DUSP29: variants seen among roughly 807,000 people sequenced by gnomAD.
The protein encoded by DUSP29 is dual specificity phosphatase 29, also known as atypical dual-specific protein phosphatase.
Under a neutral mutation model 13.5 loss-of-function variants are expected in DUSP29, and 12 were observed. That is an observed-to-expected ratio of 0.89 (90% CI 0.57 to 1.44). DUSP29 has a LOEUF of 1.44. Ranked by LOEUF, DUSP29 falls within the 40% of genes most tolerant of loss-of-function variation. The pLI is 0.00. For synonymous variants in DUSP29, 134 were observed against 128.7 expected, an observed-to-expected ratio of 1.04 and a Z score of -0.28; for missense variants, 308 against 301.1, an observed-to-expected ratio of 1.02 and a Z score of -0.17.
chr10:75,040,457 G>A (rs112469629), intron 3 of DUSP29, among the ~76,000 whole-genome samples: 4,732 of 152,278 alleles, frequency 0.031, 107 homozygotes, highest in South Asian at 0.075. Context: ...GGAGGATGCC[G>A]AATCGGGGGC....
At chr10:75,052,389 C>T (rs1247066431) in intron 2 of DUSP29, among the ~76,000 whole-genome samples, 1 of 151,306 alleles carries the variant, frequency 6.6e-6, no homozygotes, top group Admixed American at 6.6e-5. Context: ...TCACTGCAAC[C>T]TCCGCCTCCC....
At chr10:75,044,337 T>C (rs1589857728) in intron 2 of DUSP29, among the ~76,000 whole-genome samples, 1 of 143,576 alleles carries the variant, frequency 7.0e-6, no homozygotes, top group Admixed American at 6.9e-5. Context: ...GTCGCAGATC[T>C]GGACCTGCCA....
At chr10:75,069,041 A>G (rs1847264493) in intron 1 of DUSP29, among the ~76,000 whole-genome samples, 1 of 152,036 alleles carries the variant, frequency 6.6e-6, no homozygotes, top group South Asian at 2.1e-4. Context: ...AAATCCTTTT[A>G]TTAAAAAATA....
chr10:75,042,795 G>C (rs1846613037), intron 3 of DUSP29, among the ~76,000 whole-genome samples: 1 of 152,244 alleles, frequency 6.6e-6, no homozygotes, highest in African/African-American at 2.4e-5. Context: ...ACAACCTCTT[G>C]TGGCAAGAAA....
At chr10:75,045,271 G>A (rs1303422452) in intron 2 of DUSP29, among the ~76,000 whole-genome samples, 1 of 152,248 alleles carries the variant, frequency 6.6e-6, no homozygotes, top group Non-Finnish European at 1.5e-5. Context: ...TTGGGAGGCT[G>A]AGGCACAAGA....
At chr10:75,069,664 C>A (rs924528293) in intron 1 of DUSP29, among the ~76,000 whole-genome samples, 1 of 152,178 alleles carries the variant, frequency 6.6e-6, no homozygotes, top group South Asian at 2.1e-4. Context: ...CAAAAGCTCG[C>A]AGAGAAATCA....
intron 1 of DUSP29, among the ~76,000 whole-genome samples, chr10:75,073,177 C>T (rs1266737183): frequency 6.6e-6 from 1 of 152,006 alleles, no homozygotes. Flanking sequence ...ACACAGGATC[C>T]GAGTCACTCC....
chr10:75,046,289 C>T lies in DUSP29; in HGVS notation c.201-2272G>A, dbSNP rs1290469772. Among the ~76,000 whole-genome samples the T allele has an allele frequency of 2.6e-5, 4 of 152,014 alleles. No homozygotes were observed. In the East Asian group the frequency reaches 7.7e-4, roughly 29 times the overall value. ...ACACTTCCCTCAATAGCATGAAGAC[C>T]AGGACTTCAGCTCAGGGAAGATGTG... On this transcript the variant is annotated intron_variant, in intron 2 of 3. Transcript: ENST00000338487.
At chr10:75,043,718 G>T (rs1257006674) in intron 3 of DUSP29, 79 bp downstream of exon 3, 3 of 1,313,686 alleles carry the variant, frequency 2.3e-6, no homozygotes, top group East Asian at 2.5e-5. Flanking sequence ...CGGGGAAGGG[G>T]CGGGGCCTAA....
chr10:75,042,000 C>CT (rs541488917), intron 3 of DUSP29, among the ~76,000 whole-genome samples: 3 of 150,520 alleles, frequency 2.0e-5, no homozygotes, highest in Non-Finnish European at 3.0e-5. Context: ...GTTGGAATGT[C>CT]TTTTTTTTTT....
At chr10:75,051,715 G>A (rs181757707) in intron 2 of DUSP29, among the ~76,000 whole-genome samples, 186 of 152,328 alleles carry the variant, frequency 1.2e-3, no homozygotes, top group Admixed American at 8.6e-3. Flanking sequence ...AAACCTAACC[G>A]AAATGTAAAT....
chr10:75,041,827 C>T (rs1349946016), intron 3 of DUSP29, among the ~76,000 whole-genome samples: 8 of 152,184 alleles, frequency 5.3e-5, no homozygotes, highest in African/African-American at 1.9e-4. Context: ...AGTCATGATC[C>T]ACAGCAGCCT....
intron 3 of DUSP29, among the ~76,000 whole-genome samples, chr10:75,043,587 C>G (rs554472887): frequency 2.2e-4 from 33 of 152,362 alleles, no homozygotes; most frequent in South Asian, 6.2e-4. Context: ...CAAGCAGCCC[C>G]AGTGGCCCAG....
chr10:75,072,588 A>G (rs567779542), intron 1 of DUSP29, among the ~76,000 whole-genome samples: 1 of 152,140 alleles, frequency 6.6e-6, no homozygotes, highest in South Asian at 2.1e-4. Context: ...GTGGGACCAA[A>G]TGATATTCTC....
chr10:75,044,843 A>G (rs1332039787), intron 2 of DUSP29, among the ~76,000 whole-genome samples: 1 of 152,044 alleles, frequency 6.6e-6, no homozygotes, highest in Admixed American at 6.6e-5. Flanking sequence ...GGGCAGGGAG[A>G]GGCCTGTGTC....
intron 1 of DUSP29, among the ~76,000 whole-genome samples, chr10:75,072,825 C>A (rs577243019): frequency 2.3e-4 from 35 of 152,206 alleles, no homozygotes; most frequent in African/African-American, 8.2e-4. Flanking sequence ...CCCCTGGGGT[C>A]ACAGCACAAG....
intron 1 of DUSP29, among the ~76,000 whole-genome samples, chr10:75,064,830 GAA>G (rs970371378): frequency 6.6e-6 from 1 of 151,072 alleles, no homozygotes; most frequent in African/African-American, 2.4e-5. Flanking sequence ...TTTTAACTAG[GAA>G]AAAAATACAT....
At chr10:75,056,706 G>T (rs1311348999) in intron 2 of DUSP29, among the ~76,000 whole-genome samples, 6 of 151,920 alleles carry the variant, frequency 3.9e-5, no homozygotes, top group African/African-American at 1.5e-4. Flanking sequence ...GTGTGTATAT[G>T]TTTCCTTATG....
At chr10:75,044,883 G>A (rs1564639952) in intron 2 of DUSP29, among the ~76,000 whole-genome samples, 1 of 152,286 alleles carries the variant, frequency 6.6e-6, no homozygotes, top group East Asian at 1.9e-4. Context: ...GGTGATGGAG[G>A]GGAAGAAGGA....
Sources: allele counts gnomAD v4.1 joint callset (sites outside exome capture counted in the v4.1 genomes callset), GRCh38; gene constraint gnomAD v4.1.1; transcripts MANE v1.5; gene names NCBI Gene and HGNC (gene_info 2026-07-23, HGNC 2026-07-21).